FANCA: variants seen among roughly 807,000 people sequenced by gnomAD.
FANCA encodes the protein FA complementation group A, also known as Fanconi anemia group A protein.
In FANCA, 236 loss-of-function variants were observed where a neutral mutation model predicts 194.3. The observed-to-expected ratio is 1.21, with a 90% CI of 1.09 to 1.35. The LOEUF (loss-of-function observed/expected upper bound fraction) is 1.35, where lower values mean the gene tolerates loss of function less well. FANCA is among the 40% of genes most tolerant of loss of function. The probability of loss-of-function intolerance (pLI) is 0.00; values close to 1 mark genes in which losing one functional copy is unlikely to be tolerated. For missense variants in FANCA, 2,628 were observed against 1,813.9 expected, an observed-to-expected ratio of 1.45 and a Z score of -8.15; for synonymous variants, 1,014 against 715.8, an observed-to-expected ratio of 1.42 and a Z score of -6.65.
Position 89,779,815 on chromosome 16 carries a change from G to C in FANCA, c.1715+54C>G. 4.8e-6 allele frequency: 7 copies of C among 1,454,626 alleles called. 1 individual carries two copies. Among genetic ancestry groups the C allele is most frequent in the South Asian group, 4.6e-5 (4 of 87,904 alleles). The allele number at this position is 1,454,626 out of a possible 1,614,324, so 90.1% of individuals were successfully genotyped here. On this transcript the variant is annotated intron_variant, in intron 18 of 42. Coordinates refer to ENST00000389301, the MANE Select transcript of FANCA (RefSeq NM_000135.4). ...GTCTGCACATACTGCAGGCATCAGA[G>C]CGCGGTCTGCACACACTGCAGCTGC...
rs376739506 is a variant in FANCA at position 89,792,438 on chromosome 16, C to A, written c.1083+33G>T. ...CAGATCTTAATCCCCCCGCCACGAGCTCAGAAGCAGGTATAATACCACATC... is the reference window on the plus strand; with the variant it reads ...CAGATCTTAATCCCCCCGCCACGAGATCAGAAGCAGGTATAATACCACATC... On this transcript the variant is annotated intron_variant, in intron 12 of 42. Transcript: ENST00000389301. The A allele has an allele frequency of 8.7e-6, 14 of 1,604,268 alleles. No homozygotes were observed. In the African/African-American group the frequency reaches 1.9e-4, roughly 21 times the overall value.
chr16:89,753,366 T>C (rs2038662747), intron 30 of FANCA, among the ~76,000 whole-genome samples: 1 of 152,204 alleles, frequency 6.6e-6, no homozygotes, highest in Non-Finnish European at 1.5e-5. Context: ...CAGCTGCCTT[T>C]TCTCTTATCT....
chr16:89,815,847 G>T (rs939695286), intron 2 of FANCA, 30 bp downstream of exon 2: 1 of 1,537,328 alleles, frequency 6.5e-7, no homozygotes, highest in Non-Finnish European at 9.0e-7. Context: ...ACCTAAATCT[G>T]CCCGCAGACG....
rs749463081 is a variant in FANCA at position 89,738,295 on chromosome 16, C to T, written c.*306G>A. ...TCTAGCAGCCTGGACTCCGCAGTGG[C>T]TGTGTCAGCCTCACCCTTCGTGTGC... On this transcript the variant is annotated 3_prime_UTR_variant, in exon 43 of 43. Transcript: ENST00000389301. 13 of 1,539,066 alleles carry T rather than the reference C, an allele frequency of 8.4e-6. No individual in the cohort carries two copies. Among genetic ancestry groups the T allele is most frequent in the Middle Eastern group, 1.9e-4 (1 of 5,206 alleles).
chr16:89,792,740 C>A, intron 11 of FANCA, 193 bp from the exon 12 acceptor site: 1 of 547,340 alleles, frequency 1.8e-6, no homozygotes, highest in South Asian at 1.8e-5. Flanking sequence ...CATCAATGCG[C>A]GGAGACCGGT....
chr16:89,748,899 G>C (rs1196063063), intron 32 of FANCA, 132 bp from the exon 33 acceptor site: 2 of 749,572 alleles, frequency 2.7e-6, no homozygotes, highest in East Asian at 5.4e-5. Flanking sequence ...GCCTTGGCCT[G>C]TGTCCCTCTG....
intron 17 of FANCA, among the ~76,000 whole-genome samples, chr16:89,781,663 G>A (rs146174535): frequency 0.028 from 4,018 of 145,442 alleles, 164 homozygotes; most frequent in African/African-American, 0.098. Flanking sequence ...GCGACAGAGC[G>A]AGACTCCGTC....
chr16:89,759,409 G>C (rs2038874290), intron 29 of FANCA, among the ~76,000 whole-genome samples: 1 of 150,958 alleles, frequency 6.6e-6, no homozygotes, highest in Non-Finnish European at 1.5e-5. Flanking sequence ...AGAAGGGGAT[G>C]GTGAAGCAAC....
chr16:89,781,671 G>GT (rs1567627764), intron 17 of FANCA, among the ~76,000 whole-genome samples: 1 of 112,012 alleles, frequency 8.9e-6, no homozygotes, highest in African/African-American at 3.5e-5. Flanking sequence ...GCGAGACTCC[G>GT]TCTCAAAAAA....
chr16:89,782,588 G>A (rs2039757139), intron 17 of FANCA, among the ~76,000 whole-genome samples: 1 of 151,860 alleles, frequency 6.6e-6, no homozygotes, highest in African/African-American at 2.4e-5. Flanking sequence ...CAACCCCACA[G>A]GAACCAAGAT....
intron 3 of FANCA, among the ~76,000 whole-genome samples, chr16:89,812,153 G>A (rs1446815556): frequency 6.7e-6 from 1 of 149,954 alleles, no homozygotes; most frequent in Non-Finnish European, 1.5e-5. Context: ...GGCTAACACG[G>A]TGAAACCCTG....
At chr16:89,772,108 G>A (rs1210735708) in intron 22 of FANCA, among the ~76,000 whole-genome samples, 1 of 152,220 alleles carries the variant, frequency 6.6e-6, no homozygotes, top group Non-Finnish European at 1.5e-5. Context: ...GAAATCCCAT[G>A]CCAGCCCTCC....
At chr16:89,794,911 G>C (rs1408537572) in intron 11 of FANCA, among the ~76,000 whole-genome samples, 2 of 152,200 alleles carry the variant, frequency 1.3e-5, no homozygotes, top group Non-Finnish European at 2.9e-5. Flanking sequence ...AGGGTAGCCA[G>C]CAGAAAGATA....
intron 11 of FANCA, among the ~76,000 whole-genome samples, chr16:89,795,573 G>C (rs984331519): frequency 1.3e-5 from 2 of 152,198 alleles, no homozygotes; most frequent in Admixed American, 6.5e-5. Context: ...GGGAGGCAGA[G>C]GTTGCAGTGA....
Position 89,773,353 on chromosome 16 carries a change from G to T in FANCA, c.1932C>A (p.Asn644Lys). 1 of 1,551,578 alleles carries T rather than the reference G, an allele frequency of 6.4e-7. No homozygotes were observed. The highest frequency in any genetic ancestry group is 1.2e-5 in the South Asian group (1 of 84,066). Residue 644 changes from asparagine to lysine, a missense_variant, in exon 22 of 43, where the codon AAC becomes AAA. Physicochemically the swap from Asn to Lys is moderately conservative, Grantham distance 94 (BLOSUM62 0). Transcript: ENST00000389301. ...GCTGTCCCAGGGGCTCCTCAGCAGA[G>T]TTGGGTTCTGCCCTCACTCCCAGGG... is the stretch of plus-strand genomic sequence containing the variant. ...DAALGVRAEP[N>K]SAEEPLGQLT... is the part of the protein sequence containing the mutation.
rs2143616263 is a variant in FANCA, at chr16:89,803,359, C to A, written c.710-18G>T. The A allele has an allele frequency of 1.2e-6, 2 of 1,606,084 alleles. No homozygotes were observed. The highest frequency in any genetic ancestry group is 1.7e-6 in the Non-Finnish European group (2 of 1,172,870). On this transcript the variant is annotated intron_variant, in intron 7 of 42. Transcript: ENST00000389301. ...AACAAAATCTGAAAAACCATAAAAC[C>A]AAAGTTATTTATGGACATCATGGTC...
At chr16:89,787,691 ACAC>A (rs1484771612) in intron 14 of FANCA, among the ~76,000 whole-genome samples, 3 of 151,932 alleles carry the variant, frequency 2.0e-5, no homozygotes, top group African/African-American at 7.3e-5. Context: ...AGCCATGATC[ACAC>A]CACCACATCC....
In FANCA at chr16:89,816,619, C is replaced by A. The variant is rs543968869; in HGVS notation, c.-4G>T. On this transcript the variant is annotated 5_prime_UTR_variant, in exon 1 of 43. It adds an upstream start codon to the 5' untranslated region. Transcript: ENST00000389301. ...TCGGGACCCACGAGTCGGACATGGC[C>A]TTGGCGCCTACAGCCCCGGCGGCGG... The A allele has an allele frequency of 2.6e-6, 4 of 1,522,936 alleles. No homozygotes were observed. The highest frequency in any genetic ancestry group is 1.7e-6 in the Non-Finnish European group (2 of 1,143,034). 94.3% of individuals were successfully genotyped at this position (1,522,936 alleles called of 1,614,324 possible).
intron 23 of FANCA, 136 bp from the exon 24 acceptor site, chr16:89,770,770 C>A (rs2039297108): frequency 3.9e-6 from 3 of 774,628 alleles, no homozygotes; most frequent in Non-Finnish European, 4.4e-6. Flanking sequence ...GTTTGGAGGG[C>A]ATGTTACAAT....
Sources: allele counts gnomAD v4.1 joint callset (sites outside exome capture counted in the v4.1 genomes callset), GRCh38; gene constraint gnomAD v4.1.1; transcripts MANE v1.5; gene names NCBI Gene and HGNC (gene_info 2026-07-23, HGNC 2026-07-21).